The following TMEM156 variants were observed in gnomAD, a reference collection of about 807,000 sequenced individuals.
TMEM156 encodes the protein transmembrane protein 156.
In TMEM156, 28 loss-of-function variants were observed where a neutral mutation model predicts 30.5. That is an observed-to-expected ratio of 0.92 (90% confidence interval 0.68 to 1.26). The LOEUF (loss-of-function observed/expected upper bound fraction) is 1.26, where lower values mean the gene tolerates loss of function less well. TMEM156 is among the 50% of genes most tolerant of loss of function. TMEM156 has a pLI of 0.00. For missense variants in TMEM156, 351 were observed against 340.6 expected (o/e 1.03, Z -0.24); for synonymous variants, 137 against 119.9 (o/e 1.14, Z -0.93).
rs1722377301 is a variant in TMEM156 at position 38,967,001 on chromosome 4, C to G, written c.*679G>C. The G allele has an allele frequency of 6.6e-6, 1 of 152,000 alleles. No homozygotes were observed. Among genetic ancestry groups the G allele is most frequent in the South Asian group, 2.1e-4 (1 of 4,818 alleles). The allele number at this position is 152,000 out of a possible 1,614,324, so 9.4% of individuals were successfully genotyped here. A position where few individuals can be genotyped will look rare whatever the true frequency, so the allele number is the denominator to read the frequency against. On this transcript the variant is annotated 3_prime_UTR_variant, in exon 7 of 7. Coordinates refer to ENST00000381938, the MANE Select transcript of TMEM156 (RefSeq NM_024943.3). ...GTTTTTAGTAGAGACAGGGTTTCAC[C>G]ATGTTGGCCAGGATGGTCTCGATCC... is the stretch of plus-strand genomic sequence containing the variant.
intron 1 of TMEM156, among the ~76,000 whole-genome samples, chr4:39,002,278 A>C (rs1350657674): frequency 6.6e-6 from 1 of 152,178 alleles, no homozygotes; most frequent in Non-Finnish European, 1.5e-5. Context: ...AAAACACACG[A>C]AAAAATGTTC....
At chr4:38,995,262 T>A (rs560905579) in intron 2 of TMEM156, among the ~76,000 whole-genome samples, 1 of 152,348 alleles carries the variant, frequency 6.6e-6, no homozygotes, top group South Asian at 2.1e-4. Flanking sequence ...CCAAATAATG[T>A]CATATTCTGA....
intron 1 of TMEM156, among the ~76,000 whole-genome samples, chr4:39,005,084 T>C (rs921265337): frequency 6.6e-6 from 1 of 152,202 alleles, no homozygotes; most frequent in Non-Finnish European, 1.5e-5. Context: ...ACAGCGTGGA[T>C]GAATCTCAAA....
chr4:39,028,858 A>C (rs1715361014), intron 1 of TMEM156, among the ~76,000 whole-genome samples: 1 of 152,222 alleles, frequency 6.6e-6, no homozygotes, highest in Non-Finnish European at 1.5e-5. Context: ...CTTTCAAATA[A>C]ATGGAAAGGT....
intron 5 of TMEM156, among the ~76,000 whole-genome samples, chr4:38,977,930 T>C (rs576536289): frequency 6.6e-6 from 1 of 152,354 alleles, no homozygotes; most frequent in Non-Finnish European, 1.5e-5. Context: ...CTTTTTCTTC[T>C]TTTAGATAAA....
chr4:38,981,033 G>T, intron 5 of TMEM156: 1 of 775,856 alleles, frequency 1.3e-6, no homozygotes, highest in Non-Finnish European at 1.6e-6. Flanking sequence ...GATCCATTCT[G>T]TAACCAAGCA....
chr4:38,977,797 T>C, intron 5 of TMEM156, among the ~76,000 whole-genome samples: 1 of 152,196 alleles, frequency 6.6e-6, no homozygotes, highest in East Asian at 1.9e-4. Flanking sequence ...CTGAATCTAG[T>C]GAACAAAATG....
rs772003335 is a variant in TMEM156 at position 38,998,662 on chromosome 4, A to T, written c.336T>A (p.Ile112=). The T allele has an allele frequency of 6.2e-7, 1 of 1,611,746 alleles. No homozygotes were observed. Among genetic ancestry groups the T allele is most frequent in the East Asian group, 2.2e-5 (1 of 44,722 alleles). Reference sequence around the variant, plus strand: ...TACCTTTTGATGTTTGTTCCTGAGAAATAAAATCCATGTTTCCTTTAGACT... The same window carrying T: ...TACCTTTTGATGTTTGTTCCTGAGATATAAAATCCATGTTTCCTTTAGACT... ...VCESKGNMDF[I]SQEQTSKVLI... Residue 112 remains isoleucine, a synonymous_variant, in exon 2 of 7, where the codon ATT becomes ATA. Coordinates refer to ENST00000381938, the MANE Select transcript of TMEM156 (RefSeq NM_024943.3).
intron 2 of TMEM156, among the ~76,000 whole-genome samples, chr4:38,995,544 G>C (rs961560760): frequency 6.6e-6 from 1 of 152,194 alleles, no homozygotes; most frequent in East Asian, 1.9e-4. Flanking sequence ...ATGAAACCCC[G>C]TCTCTACTAA....
At position 38,993,934 on chromosome 4, in the gene TMEM156, A is replaced by G. The variant is rs551118659; in HGVS notation, c.423T>C (p.Phe141=). ...ANDFHSPCQH[F]NFSVAPLVDH... Reference sequence around the variant, plus strand: ...CAACCAGAGGAGCTACACTGAAGTTAAAGTGCTGACAAGGTGAATGAAAAT... The same window carrying G: ...CAACCAGAGGAGCTACACTGAAGTTGAAGTGCTGACAAGGTGAATGAAAAT... The change falls in exon 3 of 7, where the codon TTT becomes TTC. Residue 141 remains phenylalanine (F), a synonymous_variant. Coordinates refer to ENST00000381938, the MANE Select transcript of TMEM156 (RefSeq NM_024943.3). 6.2e-7 allele frequency: 1 copy of G among 1,614,120 alleles called. No homozygotes were observed. The highest frequency in any genetic ancestry group is 1.1e-5 in the South Asian group (1 of 91,084).
At chr4:39,016,334 C>G (rs529361632) in intron 1 of TMEM156, among the ~76,000 whole-genome samples, 1 of 150,318 alleles carries the variant, frequency 6.7e-6, no homozygotes, top group African/African-American at 2.4e-5. Context: ...GATCACATCA[C>G]TGTACTCCAG....
At chr4:38,981,358 GC>G (rs1200694186) in intron 5 of TMEM156, among the ~76,000 whole-genome samples, 1 of 151,968 alleles carries the variant, frequency 6.6e-6, no homozygotes, top group African/African-American at 2.4e-5. Flanking sequence ...ATTTTCTTTT[GC>G]TTCGTGTTCC....
intron 1 of TMEM156, among the ~76,000 whole-genome samples, chr4:39,024,111 C>A (rs968219140): frequency 2.0e-4 from 31 of 152,332 alleles, no homozygotes; most frequent in African/African-American, 7.0e-4. Context: ...TCTTGGCTCA[C>A]TGCAACCTCC....
intron 1 of TMEM156, among the ~76,000 whole-genome samples, chr4:39,014,747 G>A (rs1233824433): frequency 2.0e-5 from 2 of 102,512 alleles, no homozygotes; most frequent in African/African-American, 4.0e-5. Context: ...AGCAAAGTGA[G>A]ACTCCATCTC....
At chr4:38,988,727 T>G in intron 4 of TMEM156, 124 bp downstream of exon 4, 4 of 1,286,972 alleles carry the variant, frequency 3.1e-6, no homozygotes, top group East Asian at 2.4e-5. Flanking sequence ...TTTTATTCCT[T>G]GAGTTACCAA....
chr4:38,976,096 G>A (rs1325428823), intron 5 of TMEM156, among the ~76,000 whole-genome samples: 1 of 151,806 alleles, frequency 6.6e-6, no homozygotes. Context: ...AGACCATCCT[G>A]GCCAACATGG....
intron 1 of TMEM156, among the ~76,000 whole-genome samples, chr4:39,009,441 C>T (rs1713960722): frequency 6.6e-6 from 1 of 151,736 alleles, no homozygotes; most frequent in Non-Finnish European, 1.5e-5. Flanking sequence ...AAAGACACAA[C>T]AAAAAAAGGA....
chr4:38,973,101 A>G (rs1325065348), intron 5 of TMEM156, among the ~76,000 whole-genome samples: 2 of 152,172 alleles, frequency 1.3e-5, no homozygotes, highest in Admixed American at 1.3e-4. Flanking sequence ...TGAGATCTTG[A>G]TTAAGTTAAC....
In TMEM156 at chr4:38,988,837, G is replaced by A; in HGVS notation, c.739+14C>T. On this transcript the variant is annotated intron_variant, in intron 4 of 6. Transcript: ENST00000381938. ...AGATCAGGAGTTCCTCGGCACTACA[G>A]GGATTATACTTACTCTGCCACTTTT... 6.2e-7 allele frequency: 1 copy of A among 1,613,758 alleles called. No homozygotes were observed. The highest frequency in any genetic ancestry group is 8.5e-7 in the Non-Finnish European group (1 of 1,179,788).
Sources: gnomAD v4.1 joint callset for allele counts (sites outside exome capture counted in the v4.1 genomes callset) on GRCh38, gnomAD v4.1.1 for gene constraint, MANE v1.5 for transcripts, NCBI Gene and HGNC (gene_info 2026-07-23, HGNC 2026-07-21) for gene names.